RGS6: variants seen among roughly 807,000 people sequenced by gnomAD.
RGS6 encodes regulator of G-protein signaling 6.
RGS6 carries 30 observed loss-of-function variants against 78.5 expected under a neutral mutation model. That is an observed-to-expected ratio of 0.38 (90% CI 0.29 to 0.52). The LOEUF (loss-of-function observed/expected upper bound fraction) is 0.52. RGS6 is among the 20% of genes least tolerant of loss of function. RGS6 has a pLI of 0.85. For missense variants in RGS6, 495 were observed against 609.7 expected (o/e 0.81, Z 1.98); for synonymous variants, 206 against 206.0 (o/e 1.00, Z 0.00).
the RGS6 span, among the ~76,000 whole-genome samples, chr14:71,875,402 T>C: frequency 6.6e-6 from 1 of 152,238 alleles, no homozygotes; most frequent in Non-Finnish European, 1.5e-5. Context: ...AATTTATCCA[T>C]TTCTTCTAGA....
rs570601215 is a variant in RGS6 at position 72,241,834 on chromosome 14, A to G, written c.85-110261A>G. ...CATACTGAAAAATTGCTTTCCAGGA[A>G]ATGACGCCAATTTCCAGTCCACTAG... is the stretch of plus-strand genomic sequence containing the variant. On this transcript the variant is annotated intron_variant, in intron 2 of 17. Transcript: ENST00000553525. 6.6e-5 allele frequency among the ~76,000 whole-genome samples: 10 copies of G among 152,354 alleles called. No homozygotes were observed. In the East Asian group the frequency reaches 1.2e-3, roughly 18 times the overall value.
chr14:72,306,651 T>C (rs2067310256), intron 2 of RGS6, among the ~76,000 whole-genome samples: 1 of 152,194 alleles, frequency 6.6e-6, no homozygotes, highest in Non-Finnish European at 1.5e-5. Flanking sequence ...AGGAAGTCAC[T>C]GCAAATGAGG....
chr14:72,112,952 C>T (rs1015756678), intron 2 of RGS6, among the ~76,000 whole-genome samples: 1 of 152,210 alleles, frequency 6.6e-6, no homozygotes, highest in Admixed American at 6.5e-5. Context: ...GAATCAAATG[C>T]AGAAAACAGT....
intron 2 of RGS6, among the ~76,000 whole-genome samples, chr14:72,275,659 A>T (rs2060557005): frequency 6.6e-6 from 1 of 152,224 alleles, no homozygotes; most frequent in East Asian, 1.9e-4. Context: ...CTTAGTGGCC[A>T]TTCTGGGTAC....
At chr14:72,113,643 G>A (rs570692008) in intron 2 of RGS6, among the ~76,000 whole-genome samples, 2 of 152,308 alleles carry the variant, frequency 1.3e-5, no homozygotes, top group Admixed American at 6.5e-5. Context: ...GGCTTGGCAG[G>A]GCTCTGCCAG....
intron 15 of RGS6, among the ~76,000 whole-genome samples, chr14:72,530,263 C>A (rs1170335397): frequency 2.0e-5 from 3 of 152,192 alleles, no homozygotes; most frequent in Admixed American, 2.0e-4. Flanking sequence ...AGGTTCCAGG[C>A]ACTATGATAG....
intron 2 of RGS6, among the ~76,000 whole-genome samples, chr14:72,256,116 C>G (rs769943807): frequency 1.3e-5 from 2 of 152,176 alleles, no homozygotes; most frequent in African/African-American, 2.4e-5. Context: ...GCTAGGCAGT[C>G]AAGTGACAGA....
At chr14:72,209,541 T>A (rs847288) in intron 2 of RGS6, among the ~76,000 whole-genome samples, 146,965 of 152,266 alleles carry the variant, frequency 0.97, 70,997 homozygotes, top group East Asian at 1. Flanking sequence ...AGCTGGGGGA[T>A]GTGACACAGT....
At chr14:71,964,713 C>A in intron 1 of RGS6, 59 bp from the exon 2 acceptor site, 1 of 1,189,564 alleles carries the variant, frequency 8.4e-7, no homozygotes, top group Non-Finnish European at 1.2e-6. Context: ...CTTTGCATTT[C>A]AAAGCCCTCT....
chr14:72,004,805 G>A (rs2084186091), intron 2 of RGS6, among the ~76,000 whole-genome samples: 1 of 152,026 alleles, frequency 6.6e-6, no homozygotes, highest in African/African-American at 2.4e-5. Context: ...CAGCCTGGGT[G>A]ACAGAGCAAG....
At chr14:71,917,498 G>A in the RGS6 span, among the ~76,000 whole-genome samples, 6 of 152,196 alleles carry the variant, frequency 3.9e-5, no homozygotes, top group African/African-American at 1.4e-4. Context: ...AGCAACAGGA[G>A]GTTTGGGGAG....
At chr14:72,475,199 GT>G (rs11300478) in intron 10 of RGS6, among the ~76,000 whole-genome samples, 59,941 of 122,842 alleles carry the variant, frequency 0.49, 12,880 homozygotes, top group East Asian at 0.75. Flanking sequence ...CTTTTTTATG[GT>G]TTTTTTTTTT....
chr14:72,124,580 C>G (rs867910085), intron 2 of RGS6, among the ~76,000 whole-genome samples: 21 of 152,256 alleles, frequency 1.4e-4, no homozygotes, highest in East Asian at 3.9e-4. Flanking sequence ...ACAGTTTACC[C>G]TAGATTTTAA....
chr14:72,295,605 A>C (rs1325384656), intron 2 of RGS6, among the ~76,000 whole-genome samples: 1 of 152,146 alleles, frequency 6.6e-6, no homozygotes, highest in Non-Finnish European at 1.5e-5. Flanking sequence ...GGTATAAAAC[A>C]CCCTTTCCTT....
chr14:72,089,644 A>G (rs1299549826), intron 2 of RGS6, among the ~76,000 whole-genome samples: 1 of 152,240 alleles, frequency 6.6e-6, no homozygotes, highest in African/African-American at 2.4e-5. Flanking sequence ...ATGGAAAAAA[A>G]AATATTTACT....
chr14:72,559,829 T>G (rs1023834046), intron 17 of RGS6, among the ~76,000 whole-genome samples: 5 of 151,980 alleles, frequency 3.3e-5, no homozygotes, highest in Admixed American at 2.0e-4. Flanking sequence ...ATTAGCACCT[T>G]CAAGCCCAGC....
intron 13 of RGS6, among the ~76,000 whole-genome samples, chr14:72,505,450 C>A (rs1044414249): frequency 6.6e-6 from 1 of 152,206 alleles, no homozygotes; most frequent in South Asian, 2.1e-4. Flanking sequence ...ACCTAATCAC[C>A]TCCCAAATAT....
chr14:71,985,914 T>C (rs2094692255), intron 2 of RGS6, among the ~76,000 whole-genome samples: 1 of 152,242 alleles, frequency 6.6e-6, no homozygotes, highest in African/African-American at 2.4e-5. Context: ...TTTTCCTGCC[T>C]GCACCACCTC....
intron 2 of RGS6, among the ~76,000 whole-genome samples, chr14:72,049,825 C>A (rs564715266): frequency 6.6e-6 from 1 of 152,112 alleles, no homozygotes; most frequent in Non-Finnish European, 1.5e-5. Context: ...TTTTATCTGC[C>A]ATGTATAGTC....
Sources: gnomAD v4.1 joint callset for allele counts (sites outside exome capture counted in the v4.1 genomes callset) on GRCh38, gnomAD v4.1.1 for gene constraint, MANE v1.5 for transcripts, NCBI Gene and HGNC (gene_info 2026-07-23, HGNC 2026-07-21) for gene names.